Variants in RANBP2 observed in about 807,000 individuals in gnomAD.
RANBP2 encodes RAN binding protein 2.
RANBP2 carries 57 observed loss-of-function variants against 303.6 expected under a neutral mutation model. The observed-to-expected ratio is 0.19, with a 90% CI of 0.15 to 0.23. The LOEUF (loss-of-function observed/expected upper bound fraction) is 0.23. Among genes scored for constraint, RANBP2 ranks in the 10% least tolerant of loss-of-function variants. The pLI is 1.00. For missense variants in RANBP2, 3,138 were observed against 3,780.8 expected (o/e 0.83, Z 4.46); for synonymous variants, 1,167 against 1,301.5 (o/e 0.90, Z 2.23).
At chr2:108,812,955 T>C in the RANBP2 span, 1 of 1,607,140 alleles carries the variant, frequency 6.2e-7, no homozygotes, top group South Asian at 1.1e-5. Context: ...TTTGATATGA[T>C]TGAAAATTTC....
At chr2:109,626,813 G>C in the RANBP2 span, among the ~76,000 whole-genome samples, 1 of 152,208 alleles carries the variant, frequency 6.6e-6, no homozygotes, top group Admixed American at 6.5e-5. Flanking sequence ...CTGTTTTTCT[G>C]CCATCGTCAC....
At chr2:108,998,835 C>T in the RANBP2 span, among the ~76,000 whole-genome samples, 4 of 151,308 alleles carry the variant, frequency 2.6e-5, no homozygotes, top group African/African-American at 9.8e-5. Flanking sequence ...ATGGCTTCAG[C>T]CTGGCTCAGG....
the RANBP2 span, among the ~76,000 whole-genome samples, chr2:109,039,356 A>ATT: frequency 6.9e-3 from 1,020 of 147,776 alleles, 6 homozygotes; most frequent in East Asian, 0.035. Context: ...GTCTTTTAAG[A>ATT]TTTTTTTTTT....
At chr2:108,920,239 G>A in the RANBP2 span, among the ~76,000 whole-genome samples, 2 of 152,180 alleles carry the variant, frequency 1.3e-5, no homozygotes, top group South Asian at 2.1e-4. Flanking sequence ...CACATGCATC[G>A]CCCACGTCAT....
At chr2:109,536,064 C>G in the RANBP2 span, among the ~76,000 whole-genome samples, 1 of 135,316 alleles carries the variant, frequency 7.4e-6, no homozygotes, top group Non-Finnish European at 1.6e-5. Flanking sequence ...GGGGGGGGGT[C>G]TCTCATGGAG....
chr2:109,427,064 G>A, the RANBP2 span, among the ~76,000 whole-genome samples: 51 of 152,062 alleles, frequency 3.4e-4, no homozygotes. Context: ...CGCCTCCTGG[G>A]TTCAAGCGAT....
At chr2:109,110,550 CCACT>C in the RANBP2 span, among the ~76,000 whole-genome samples, 8 of 152,284 alleles carry the variant, frequency 5.3e-5, no homozygotes, top group African/African-American at 1.7e-4. Context: ...TCCTTCCCAC[CCACT>C]GTCTCGGCAA....
the RANBP2 span, among the ~76,000 whole-genome samples, chr2:109,172,511 T>G: frequency 1.3e-5 from 2 of 152,216 alleles, no homozygotes; most frequent in African/African-American, 2.4e-5. Flanking sequence ...TGGTGTAATT[T>G]TCCTTTCTTA....
the RANBP2 span, among the ~76,000 whole-genome samples, chr2:109,327,171 T>C: frequency 3.9e-5 from 6 of 152,366 alleles, no homozygotes; most frequent in African/African-American, 1.4e-4. Context: ...AAAAGTTTTA[T>C]AGTTTTGCTT....
At chr2:109,557,037 G>A in the RANBP2 span, among the ~76,000 whole-genome samples, 1 of 152,070 alleles carries the variant, frequency 6.6e-6, no homozygotes, top group African/African-American at 2.4e-5. Context: ...GGGGAGAGGC[G>A]GGAGGGATAG....
chr2:109,428,671 T>C, the RANBP2 span, among the ~76,000 whole-genome samples: 1 of 152,210 alleles, frequency 6.6e-6, no homozygotes, highest in Non-Finnish European at 1.5e-5. Context: ...TCTCTGATCC[T>C]AAAATCCCAT....
At chr2:109,564,931 AAGT>A in the RANBP2 span, among the ~76,000 whole-genome samples, 1 of 152,336 alleles carries the variant, frequency 6.6e-6, no homozygotes, top group South Asian at 2.1e-4. Flanking sequence ...TAAAACTTCA[AAGT>A]AGTAAATTCT....
chr2:109,691,846 G>A, the RANBP2 span, among the ~76,000 whole-genome samples: 2 of 151,000 alleles, frequency 1.3e-5, 1 homozygote, highest in African/African-American at 4.9e-5. Context: ...GCAGTGGCAC[G>A]ATCTCGGCTC....
the RANBP2 span, among the ~76,000 whole-genome samples, chr2:109,269,062 C>T: frequency 7.2e-5 from 11 of 152,232 alleles, no homozygotes; most frequent in East Asian, 9.7e-4. Flanking sequence ...TCTCTTGTCC[C>T]GCACTGTGCT....
At chr2:109,310,737 TCTAGAAGAAATGG>T in the RANBP2 span, among the ~76,000 whole-genome samples, 3 of 86,528 alleles carry the variant, frequency 3.5e-5, no homozygotes, top group African/African-American at 2.3e-4. Flanking sequence ...AACTAGAAAA[TCTAGAAGAAATGG>T]ATAAATTCCT....
chr2:109,214,106 A>G, the RANBP2 span, among the ~76,000 whole-genome samples: 67 of 152,270 alleles, frequency 4.4e-4, no homozygotes, highest in East Asian at 3.9e-4. Context: ...GTTTCTGCCA[A>G]TTGTCTTGGG....
chr2:108,750,480 A>G (rs528521265), intron 9 of RANBP2, among the ~76,000 whole-genome samples: 14 of 152,280 alleles, frequency 9.2e-5, no homozygotes, highest in Non-Finnish European at 1.8e-4. Context: ...GACAAAGGCC[A>G]TGAACATCTT....
chr2:108,835,561 A>G, the RANBP2 span, among the ~76,000 whole-genome samples: 3 of 152,362 alleles, frequency 2.0e-5, no homozygotes, highest in African/African-American at 7.2e-5. Context: ...ATGAATAACC[A>G]TAGTTTAAAT....
the RANBP2 span, among the ~76,000 whole-genome samples, chr2:109,530,923 G>A: frequency 2.6e-4 from 39 of 152,124 alleles, 1 homozygote; most frequent in Admixed American, 5.2e-4. Context: ...AGGGAGAGCC[G>A]ACCCTCAAGA....
Sources: allele counts gnomAD v4.1 joint callset (sites outside exome capture counted in the v4.1 genomes callset), GRCh38; gene constraint gnomAD v4.1.1; transcripts MANE v1.5; gene names NCBI Gene and HGNC (gene_info 2026-07-23, HGNC 2026-07-21).